ACOXL: variants seen among roughly 807,000 people sequenced by gnomAD.
ACOXL encodes acyl-coenzyme A oxidase-like protein.
ACOXL carries 70 observed loss-of-function variants against 71.9 expected under a neutral mutation model. That is an observed-to-expected ratio of 0.97 (90% CI 0.80 to 1.19). ACOXL has a LOEUF of 1.19. Among genes scored for constraint, ACOXL ranks in the 50% most tolerant of loss-of-function variants. The pLI is 0.00. For missense variants in ACOXL, 703 were observed against 736.3 expected (o/e 0.95, Z 0.52); for synonymous variants, 253 against 281.6 (o/e 0.90, Z 1.02).
chr2:111,079,092 T>A lies in ACOXL; in HGVS notation c.1441-13773T>A, dbSNP rs746676160. 3.3e-5 allele frequency among the ~76,000 whole-genome samples: 5 copies of A among 152,322 alleles called. No homozygotes were observed. In the East Asian group the frequency reaches 9.6e-4, roughly 29 times the overall value. On this transcript the variant is annotated intron_variant, in intron 16 of 17. Transcript: ENST00000439055. Reference sequence around the variant, plus strand: ...TGTATTTGTTTACTTATTTTAAAAGTTTTTATAAATTTATGGAGTACAGTG... The same window carrying A: ...TGTATTTGTTTACTTATTTTAAAAGATTTTATAAATTTATGGAGTACAGTG...
intron 12 of ACOXL, among the ~76,000 whole-genome samples, chr2:110,934,268 G>A (rs2060584155): frequency 6.6e-6 from 1 of 152,188 alleles, no homozygotes; most frequent in African/African-American, 2.4e-5. Context: ...AACCCAAGTT[G>A]GGTGTCTGAG....
chr2:110,956,188 A>G (rs1422262846), intron 12 of ACOXL, among the ~76,000 whole-genome samples: 1 of 152,052 alleles, frequency 6.6e-6, no homozygotes, highest in African/African-American at 2.4e-5. Context: ...GGCATCTCAA[A>G]GTGCTGGGAT....
chr2:110,805,680 C>T lies in ACOXL; in HGVS notation c.753+285C>T, dbSNP rs115855742. Among the ~76,000 whole-genome samples, 1,075 of 152,312 alleles carry T rather than the reference C, an allele frequency of 7.1e-3. 3 individuals carry two copies. Among genetic ancestry groups the T allele is most frequent in the South Asian group, 0.023 (112 of 4,828 alleles). On this transcript the variant is annotated intron_variant, in intron 9 of 17. Coordinates refer to ENST00000439055, the MANE Select transcript of ACOXL (RefSeq NM_001142807.4). The stretch of plus-strand genomic sequence containing the variant: ...AGCCAGGAGAGATGACCAGGGAGAA[C>T]GGGATGTTCAGAGCAAACACATCTG...
chr2:110,968,561 C>A, intron 12 of ACOXL: 2 of 1,006,298 alleles, frequency 2.0e-6, no homozygotes, highest in Non-Finnish European at 3.0e-6. Context: ...TATAAGAAAG[C>A]TCATGCTGCT....
At chr2:110,766,177 T>C (rs1681039609) in intron 1 of ACOXL, among the ~76,000 whole-genome samples, 1 of 152,250 alleles carries the variant, frequency 6.6e-6, no homozygotes, top group Non-Finnish European at 1.5e-5. Flanking sequence ...ATTCATGTTG[T>C]GATGTTCCTT....
At chr2:110,741,322 T>G (rs1677508850) in intron 1 of ACOXL, among the ~76,000 whole-genome samples, 1 of 152,170 alleles carries the variant, frequency 6.6e-6, no homozygotes, top group African/African-American at 2.4e-5. Flanking sequence ...CAGGGTTGGT[T>G]GCTTCTGAGG....
Position 110,948,317 on chromosome 2 carries a change from G to A in ACOXL, c.1059+14675G>A, listed in dbSNP as rs184073982. On this transcript the variant is annotated intron_variant, in intron 12 of 17. Transcript: ENST00000439055. ...TATATTTAATGATTGCATAGGGAAC[G>A]CTGAAGCAATTCCAAGTGTTTGTAA... 2.0e-5 allele frequency among the ~76,000 whole-genome samples: 3 copies of A among 152,320 alleles called. No individual in the cohort carries two copies. The East Asian group carries it at 5.8e-4, about 29-fold the overall frequency.
chr2:111,001,285 G>T (rs1240692911), intron 14 of ACOXL, among the ~76,000 whole-genome samples: 1 of 152,116 alleles, frequency 6.6e-6, no homozygotes, highest in East Asian at 1.9e-4. Context: ...GTTTCTAAGA[G>T]AATTATATCA....
chr2:110,798,886 G>T, intron 6 of ACOXL, 128 bp from the exon 7 acceptor site: 1 of 1,150,880 alleles, frequency 8.7e-7, no homozygotes, highest in Non-Finnish European at 1.3e-6. Context: ...GACATTATAT[G>T]CTCTCATGCT....
intron 10 of ACOXL, among the ~76,000 whole-genome samples, chr2:110,907,339 AC>A (rs2059490843): frequency 6.6e-6 from 1 of 152,248 alleles, no homozygotes; most frequent in Admixed American, 6.5e-5. Context: ...CCAAATAGTC[AC>A]ATTGGTTGTT....
At chr2:110,734,036 A>T (rs960130418) in intron 1 of ACOXL, among the ~76,000 whole-genome samples, 1 of 152,198 alleles carries the variant, frequency 6.6e-6, no homozygotes, top group Non-Finnish European at 1.5e-5. Context: ...ATGAGAATAC[A>T]GCTGCTTTCT....
chr2:111,008,997 C>T (rs1406496825), intron 14 of ACOXL, among the ~76,000 whole-genome samples: 1 of 152,138 alleles, frequency 6.6e-6, no homozygotes, highest in Non-Finnish European at 1.5e-5. Context: ...GAATTGTAGC[C>T]TTTTGTCATA....
chr2:111,073,927 T>G (rs1462837804), intron 16 of ACOXL, among the ~76,000 whole-genome samples: 3 of 152,212 alleles, frequency 2.0e-5, no homozygotes, highest in African/African-American at 7.2e-5. Flanking sequence ...CCAGATTTTT[T>G]ATTTCCAGCA....
chr2:110,949,299 C>T (rs949576342), intron 12 of ACOXL, among the ~76,000 whole-genome samples: 1 of 150,702 alleles, frequency 6.6e-6, no homozygotes, highest in African/African-American at 2.4e-5. Context: ...AGGGCCTTCT[C>T]AGTGGTTACT....
intron 12 of ACOXL, among the ~76,000 whole-genome samples, chr2:110,952,486 A>G (rs2061364758): frequency 6.6e-6 from 1 of 152,108 alleles, no homozygotes; most frequent in South Asian, 2.1e-4. Context: ...TTCTGAGACA[A>G]GGTTTCACTG....
chr2:110,816,203 A>T (rs2105463538), intron 9 of ACOXL, among the ~76,000 whole-genome samples: 1 of 151,366 alleles, frequency 6.6e-6, no homozygotes, highest in Non-Finnish European at 1.5e-5. Flanking sequence ...ATGGATGGGT[A>T]GATGGATAAA....
intron 7 of ACOXL, among the ~76,000 whole-genome samples, chr2:110,800,080 C>T (rs1559279094): frequency 6.6e-6 from 1 of 152,194 alleles, no homozygotes; most frequent in Admixed American, 6.5e-5. Context: ...GCCACCCCAG[C>T]CAGCAGTGGC....
chr2:110,932,554 G>A (rs55634297), intron 11 of ACOXL, among the ~76,000 whole-genome samples: 309 of 152,262 alleles, frequency 2.0e-3, no homozygotes, highest in African/African-American at 7.1e-3. Context: ...CAAAGTGGAT[G>A]GGGGAGTGGA....
chr2:110,923,284 T>C (rs1455560413), intron 11 of ACOXL, among the ~76,000 whole-genome samples: 2 of 152,220 alleles, frequency 1.3e-5, no homozygotes, highest in African/African-American at 4.8e-5. Context: ...AATTTTATGC[T>C]GACTACTTCC....
Sources: allele counts gnomAD v4.1 joint callset (sites outside exome capture counted in the v4.1 genomes callset), GRCh38; gene constraint gnomAD v4.1.1; transcripts MANE v1.5; gene names NCBI Gene and HGNC (gene_info 2026-07-23, HGNC 2026-07-21).